ADGRL3: variants seen among roughly 807,000 people sequenced by gnomAD.
ADGRL3 encodes adhesion G protein-coupled receptor L3.
Under a neutral mutation model 153.5 loss-of-function variants are expected in ADGRL3, and 62 were observed. That is an observed-to-expected ratio of 0.40 (90% CI 0.33 to 0.50). ADGRL3 has a LOEUF of 0.50. Ranked by LOEUF, ADGRL3 falls within the 20% of genes least tolerant of loss-of-function variation. The pLI is 0.47. For synonymous variants in ADGRL3, 710 were observed against 672.5 expected (o/e 1.06, Z -0.86); for missense variants, 1,641 against 1,859.4 (o/e 0.88, Z 2.16).
At chr4:61,517,703 C>T (rs543550988) in intron 4 of ADGRL3, among the ~76,000 whole-genome samples, 185 bp downstream of exon 4, 1 of 152,144 alleles carries the variant, frequency 6.6e-6, no homozygotes, top group African/African-American at 2.4e-5. Context: ...ACAATGCATG[C>T]CTGTTCTACA....
At chr4:61,878,140 T>C (rs2098486617) in intron 9 of ADGRL3, among the ~76,000 whole-genome samples, 1 of 152,194 alleles carries the variant, frequency 6.6e-6, no homozygotes, top group South Asian at 2.1e-4. Context: ...CTAACCCACA[T>C]CCTTTTGCTG....
At chr4:61,243,415 A>C (rs1402180032) in intron 1 of ADGRL3, among the ~76,000 whole-genome samples, 3 of 151,998 alleles carry the variant, frequency 2.0e-5, no homozygotes, top group Non-Finnish European at 4.4e-5. Context: ...TATAGACATC[A>C]ATGACAGACA....
chr4:61,779,420 G>A (rs1053258786), intron 8 of ADGRL3, among the ~76,000 whole-genome samples: 2 of 151,664 alleles, frequency 1.3e-5, no homozygotes, highest in African/African-American at 4.8e-5. Flanking sequence ...ATCACCTGAG[G>A]TCAGGAGTTT....
At chr4:61,532,228 A>C (rs772040006) in intron 4 of ADGRL3, among the ~76,000 whole-genome samples, 6 of 152,224 alleles carry the variant, frequency 3.9e-5, no homozygotes, top group Non-Finnish European at 5.9e-5. Flanking sequence ...TCTTGCATTT[A>C]TAGCCAGAGC....
chr4:61,445,912 G>A (rs1423533298), intron 2 of ADGRL3, among the ~76,000 whole-genome samples: 1 of 152,110 alleles, frequency 6.6e-6, no homozygotes, highest in Non-Finnish European at 1.5e-5. Flanking sequence ...ACTTCTCTAT[G>A]TTTACATGTT....
chr4:61,330,154 A>T (rs748774657), intron 1 of ADGRL3, among the ~76,000 whole-genome samples: 1 of 152,202 alleles, frequency 6.6e-6, no homozygotes, highest in Non-Finnish European at 1.5e-5. Flanking sequence ...GGACAGACGT[A>T]TTCTTTGGTG....
intron 3 of ADGRL3, among the ~76,000 whole-genome samples, chr4:61,514,986 G>T (rs1412733275): frequency 6.6e-6 from 1 of 151,904 alleles, no homozygotes; most frequent in African/African-American, 2.4e-5. Flanking sequence ...ACCTTTTCTA[G>T]AAATATTTGA....
intron 8 of ADGRL3, among the ~76,000 whole-genome samples, chr4:61,802,121 A>G (rs565460219): frequency 5.0e-4 from 76 of 152,304 alleles, no homozygotes; most frequent in African/African-American, 1.7e-3. Context: ...GTTGAATTAT[A>G]TGTGGCTGAA....
At chr4:61,382,863 G>A (rs73825172) in intron 1 of ADGRL3, among the ~76,000 whole-genome samples, 7,246 of 151,764 alleles carry the variant, frequency 0.048, 534 homozygotes, top group African/African-American at 0.16. Context: ...CTTTTAATTA[G>A]GAAAAGAAAT....
chr4:61,214,130 T>C (rs1741502391), intron 1 of ADGRL3, among the ~76,000 whole-genome samples: 1 of 152,206 alleles, frequency 6.6e-6, no homozygotes, highest in Admixed American at 6.5e-5. Context: ...TTACTAATGC[T>C]CAGCTGCACA....
chr4:61,882,936 C>G (rs2098517042), intron 9 of ADGRL3, among the ~76,000 whole-genome samples: 1 of 152,094 alleles, frequency 6.6e-6, no homozygotes, highest in Non-Finnish European at 1.5e-5. Context: ...GAAACCCCGT[C>G]TCTACTAGAA....
chr4:61,850,261 A>G (rs908450321), intron 9 of ADGRL3, among the ~76,000 whole-genome samples: 24 of 152,230 alleles, frequency 1.6e-4, no homozygotes, highest in Admixed American at 5.2e-4. Flanking sequence ...TCTCCAATTT[A>G]TAGGTATAGA....
chr4:61,401,892 G>A (rs971087382), intron 2 of ADGRL3, among the ~76,000 whole-genome samples: 1 of 152,038 alleles, frequency 6.6e-6, no homozygotes, highest in Non-Finnish European at 1.5e-5. Context: ...TTAATCTGTT[G>A]AAGAGGTCAG....
intron 1 of ADGRL3, among the ~76,000 whole-genome samples, chr4:61,203,855 G>C (rs1369467258): frequency 6.6e-6 from 1 of 151,632 alleles, no homozygotes; most frequent in Non-Finnish European, 1.5e-5. Flanking sequence ...CAGATAATTT[G>C]TATAGGAGTT....
intron 1 of ADGRL3, among the ~76,000 whole-genome samples, chr4:61,243,736 TG>T (rs1471866057): frequency 6.6e-6 from 1 of 152,070 alleles, no homozygotes; most frequent in African/African-American, 2.4e-5. Flanking sequence ...AAGGAAGTCA[TG>T]TTTGTACTAG....
At chr4:61,469,993 CG>C (rs1326466761) in intron 2 of ADGRL3, among the ~76,000 whole-genome samples, 1 of 151,714 alleles carries the variant, frequency 6.6e-6, no homozygotes, top group Non-Finnish European at 1.5e-5. Flanking sequence ...TTCTATCAGC[CG>C]GATGCTTTAT....
intron 9 of ADGRL3, among the ~76,000 whole-genome samples, chr4:61,862,489 T>C (rs1162189352): frequency 6.6e-6 from 1 of 152,166 alleles, no homozygotes; most frequent in Non-Finnish European, 1.5e-5. Flanking sequence ...ACCGGGATAT[T>C]ATGCTGAATA....
intron 1 of ADGRL3, among the ~76,000 whole-genome samples, chr4:61,225,796 C>CA (rs1478865222): frequency 6.6e-6 from 1 of 152,164 alleles, no homozygotes; most frequent in Non-Finnish European, 1.5e-5. Context: ...AGTGAACAGT[C>CA]AAAATGTTCT....
chr4:61,478,940 AAG>A, intron 2 of ADGRL3, among the ~76,000 whole-genome samples: 1 of 152,062 alleles, frequency 6.6e-6, no homozygotes, highest in Non-Finnish European at 1.5e-5. Context: ...AAAAACTCTT[AAG>A]AGTTTCTTTC....
Sources: allele counts gnomAD v4.1 joint callset (sites outside exome capture counted in the v4.1 genomes callset), GRCh38; gene constraint gnomAD v4.1.1; transcripts MANE v1.5; gene names NCBI Gene and HGNC (gene_info 2026-07-23, HGNC 2026-07-21).